STAG2: variants seen among roughly 807,000 people sequenced by gnomAD.
STAG2 encodes the protein cohesin subunit SA-2.
Under a neutral mutation model 108.1 loss-of-function variants are expected in STAG2, and 14 were observed. The observed-to-expected ratio is 0.13, with a 90% CI of 0.09 to 0.20. The LOEUF (loss-of-function observed/expected upper bound fraction) is 0.20, where lower values mean the gene tolerates loss of function less well. Among genes scored for constraint, STAG2 ranks in the 10% least tolerant of loss-of-function variants. The probability of loss-of-function intolerance (pLI) is 1.00; values close to 1 mark genes in which losing one functional copy is unlikely to be tolerated. For missense variants in STAG2, 440 were observed against 940.9 expected (o/e 0.47, Z 6.96); for synonymous variants, 307 against 302.7 (o/e 1.01, Z -0.15).
intron 7 of STAG2, among the ~76,000 whole-genome samples, chrX:124,043,359 C>T (rs1021275349): frequency 2.5e-4 from 28 of 110,237 alleles, no homozygotes; most frequent in African/African-American, 8.2e-4. Flanking sequence ...CCATGTTGGC[C>T]AGGCTGGTCT....
At chrX:123,984,384 A>C (rs1453179357) in intron 1 of STAG2, among the ~76,000 whole-genome samples, 2 of 111,510 alleles carry the variant, frequency 1.8e-5, no homozygotes, top group African/African-American at 6.5e-5. Context: ...ATTACATTTA[A>C]ATGCAGTGAA....
At chrX:124,079,283 C>T (rs2058888336) in intron 27 of STAG2, among the ~76,000 whole-genome samples, 1 of 108,999 alleles carries the variant, frequency 9.2e-6, no homozygotes, top group Non-Finnish European at 1.9e-5. Context: ...GGACTACAGG[C>T]ACCCGCCACC....
At chrX:124,016,361 C>T (rs766472906) in intron 1 of STAG2, among the ~76,000 whole-genome samples, 534 of 111,541 alleles carry the variant, frequency 4.8e-3, no homozygotes, top group Non-Finnish European at 8.3e-3. Flanking sequence ...TCATAATTTC[C>T]TTTTTTGTAC....
At chrX:124,037,263 A>G (rs920403407) in intron 5 of STAG2, among the ~76,000 whole-genome samples, 4 of 111,970 alleles carry the variant, frequency 3.6e-5, no homozygotes, top group Admixed American at 1.9e-4. Flanking sequence ...ACTTGATGGA[A>G]TTGACTTCCA....
intron 13 of STAG2, among the ~76,000 whole-genome samples, chrX:124,053,416 T>G (rs1603041987): frequency 9.0e-6 from 1 of 111,540 alleles, no homozygotes; most frequent in Admixed American, 9.5e-5. Context: ...CTTCCCATTC[T>G]GTATATTTAC....
At chrX:123,974,422 C>T (rs2054520422) in intron 1 of STAG2, among the ~76,000 whole-genome samples, 1 of 105,976 alleles carries the variant, frequency 9.4e-6, no homozygotes, top group African/African-American at 3.5e-5. Context: ...GAAAGGGTTT[C>T]ACTGTGTTGG....
At chrX:124,061,195 A>G (rs1024537798) in intron 15 of STAG2, 29 bp from the exon 16 acceptor site, 2 of 1,089,426 alleles carry the variant, frequency 1.8e-6, no homozygotes, top group Middle Eastern at 2.5e-4. Flanking sequence ...ATAATTGTCT[A>G]AGACCACATT....
intron 1 of STAG2, among the ~76,000 whole-genome samples, chrX:123,993,308 T>C (rs1186733563): frequency 9.0e-6 from 1 of 111,505 alleles, no homozygotes; most frequent in Non-Finnish European, 1.9e-5. Flanking sequence ...TTTAAAAAAA[T>C]TCCATTTAAA....
chrX:124,020,570 T>TA (rs1342441469), intron 1 of STAG2, among the ~76,000 whole-genome samples: 1 of 112,159 alleles, frequency 8.9e-6, no homozygotes, highest in South Asian at 3.7e-4. Flanking sequence ...CCTATAGTCC[T>TA]AGCTACTCAG....
chrX:123,984,345 G>A (rs1602683249), intron 1 of STAG2, among the ~76,000 whole-genome samples: 2 of 111,590 alleles, frequency 1.8e-5, no homozygotes, highest in South Asian at 7.3e-4. Flanking sequence ...ATTATTTATA[G>A]TTTTGCTGAA....
intron 26 of STAG2, 73 bp from the exon 27 acceptor site, chrX:124,077,884 C>G: frequency 1.4e-6 from 1 of 691,776 alleles, no homozygotes; most frequent in Non-Finnish European, 2.1e-6. Context: ...GTTTACATGA[C>G]TAACCTAAAA....
intron 13 of STAG2, among the ~76,000 whole-genome samples, chrX:124,053,699 G>A (rs2058107804): frequency 8.9e-6 from 1 of 111,743 alleles, no homozygotes; most frequent in Non-Finnish European, 1.9e-5. Flanking sequence ...AAATGACCAT[G>A]TAAGGCTTTC....
chrX:123,974,256 G>A (rs1435951835), intron 1 of STAG2, among the ~76,000 whole-genome samples: 1 of 101,312 alleles, frequency 9.9e-6, no homozygotes, highest in Non-Finnish European at 2.0e-5. Context: ...TTTTTGAGAC[G>A]GAGCCTTACT....
chrX:124,033,260 T>G (rs946396421), intron 5 of STAG2, among the ~76,000 whole-genome samples: 3 of 112,639 alleles, frequency 2.7e-5, no homozygotes, highest in Non-Finnish European at 3.7e-5. Context: ...TTTTAAAAAT[T>G]ACTTTTCTCT....
At chrX:124,072,830 A>T (rs1253682608) in intron 25 of STAG2, among the ~76,000 whole-genome samples, 4 of 106,016 alleles carry the variant, frequency 3.8e-5, no homozygotes, top group African/African-American at 1.4e-4. Context: ...CCTCCTGAGT[A>T]GCTGGGATTA....
chrX:123,971,384 C>T (rs1181845330), intron 1 of STAG2, among the ~76,000 whole-genome samples: 1 of 112,060 alleles, frequency 8.9e-6, no homozygotes, highest in African/African-American at 3.2e-5. Flanking sequence ...GCTGAGATTG[C>T]GTCACTGCAC....
chrX:124,074,709 A>G (rs1195885463), intron 25 of STAG2, among the ~76,000 whole-genome samples: 1 of 111,842 alleles, frequency 8.9e-6, no homozygotes, highest in East Asian at 2.8e-4. Context: ...GGCAGCTGAC[A>G]CTTATGAAAG....
chrX:124,086,875 T>G (rs1008174719), intron 30 of STAG2, 105 bp downstream of exon 30: 2 of 646,593 alleles, frequency 3.1e-6, no homozygotes, highest in Non-Finnish European at 4.5e-6. Flanking sequence ...CAATAATAGC[T>G]TACAAAATGT....
chrX:124,094,789 T>A (rs1387069047), intron 33 of STAG2, among the ~76,000 whole-genome samples: 2 of 112,389 alleles, frequency 1.8e-5, no homozygotes, highest in Admixed American at 1.9e-4. Context: ...TCCAGTCTTA[T>A]GATTCTTTTT....
Sources: allele counts gnomAD v4.1 joint callset (sites outside exome capture counted in the v4.1 genomes callset), GRCh38; gene constraint gnomAD v4.1.1; transcripts MANE v1.5; gene names NCBI Gene and HGNC (gene_info 2026-07-23, HGNC 2026-07-21).